ANO3: variants seen among roughly 807,000 people sequenced by gnomAD.
ANO3 encodes the protein anoctamin-3.
A neutral mutation model predicts 144.8 loss-of-function variants in ANO3; 99 were observed. The ratio of observed to expected loss-of-function variants is 0.68; its 90% CI spans 0.58 to 0.81. The LOEUF is 0.81. ANO3 is among the 30% of genes least tolerant of loss of function. The probability of loss-of-function intolerance (pLI) is 0.00; values close to 1 mark genes in which losing one functional copy is unlikely to be tolerated. For missense variants in ANO3, 905 were observed against 1,202.2 expected (o/e 0.75, Z 3.66); for synonymous variants, 414 against 392.6 (o/e 1.05, Z -0.64).
intron 6 of ANO3, among the ~76,000 whole-genome samples, chr11:26,517,922 G>A (rs2134154712): frequency 6.6e-6 from 1 of 152,116 alleles, no homozygotes; most frequent in African/African-American, 2.4e-5. Context: ...GAAATTAAGT[G>A]TTGGAAACTA....
At chr11:26,430,154 G>A (rs893340076) in intron 1 of ANO3, among the ~76,000 whole-genome samples, 1 of 151,542 alleles carries the variant, frequency 6.6e-6, no homozygotes, top group Non-Finnish European at 1.5e-5. Context: ...CCAGCTACTC[G>A]AGAGGGTGAG....
chr11:26,518,473 G>A (rs540347470), intron 6 of ANO3, among the ~76,000 whole-genome samples: 1 of 151,902 alleles, frequency 6.6e-6, no homozygotes, highest in Non-Finnish European at 1.5e-5. Flanking sequence ...AATCACCTTT[G>A]TTTTTTCATA....
intron 4 of ANO3, among the ~76,000 whole-genome samples, chr11:26,481,880 T>C (rs1314305236): frequency 6.6e-6 from 1 of 152,100 alleles, no homozygotes; most frequent in Non-Finnish European, 1.5e-5. Flanking sequence ...AGGGTGTTTC[T>C]TTTTTCCTTT....
rs777879961 is a variant in ANO3, at chr11:26,352,199, T to C, written c.46+19878T>C. Among the ~76,000 whole-genome samples the C allele has an allele frequency of 4.7e-4, 71 of 152,092 alleles. 1 individual carries two copies. The highest frequency in any genetic ancestry group is 1.5e-4 in the Non-Finnish European group (10 of 68,008). On this transcript the variant is annotated intron_variant, in intron 1 of 26. Coordinates refer to ENST00000256737, the MANE Select transcript of ANO3 (RefSeq NM_031418.4). ...AACCAAGTACTGACTAAAAAACAAG[T>C]CTTTACTACCCAAGAACTCATTTCT... is the stretch of plus-strand genomic sequence containing the variant.
intron 1 of ANO3, among the ~76,000 whole-genome samples, chr11:26,260,747 T>C (rs1378957083): frequency 6.6e-6 from 1 of 152,274 alleles, no homozygotes; most frequent in South Asian, 2.1e-4. Flanking sequence ...ACTAAATCCA[T>C]ACAGCATTTT....
At position 26,661,607 on chromosome 11, in the gene ANO3, C is replaced by T. The variant is rs1290001787; in HGVS notation, c.*1163C>T. 1 of 152,164 alleles carries T rather than the reference C, an allele frequency of 6.6e-6. No homozygotes were observed. The highest frequency in any genetic ancestry group is 1.9e-4 in the East Asian group (1 of 5,186). 9.4% of individuals were successfully genotyped at this position (152,164 alleles called of 1,614,324 possible). A position where few individuals can be genotyped will look rare whatever the true frequency, so the allele number is the denominator to read the frequency against. ...TGTGTTTTAGTTTCTTTTTTCATGACTGAAGGGAGTTTTATGTTATTATTT... is the reference window on the plus strand; with the variant it reads ...TGTGTTTTAGTTTCTTTTTTCATGATTGAAGGGAGTTTTATGTTATTATTT... On this transcript the variant is annotated 3_prime_UTR_variant, in exon 27 of 27. Transcript: ENST00000256737.
chr11:26,243,771 G>T (rs531707695), intron 1 of ANO3, among the ~76,000 whole-genome samples: 3 of 152,008 alleles, frequency 2.0e-5, no homozygotes, highest in African/African-American at 7.2e-5. Flanking sequence ...CAAATATCTG[G>T]CCACATTCCA....
chr11:26,319,832 A>T (rs981213940), intron 1 of ANO3, among the ~76,000 whole-genome samples: 10 of 151,894 alleles, frequency 6.6e-5, no homozygotes, highest in Non-Finnish European at 8.8e-5. Context: ...TTATTTTTTT[A>T]AAAATATTTC....
chr11:26,314,063 A>G (rs1197748159), intron 1 of ANO3, among the ~76,000 whole-genome samples: 1 of 152,042 alleles, frequency 6.6e-6, no homozygotes, highest in Non-Finnish European at 1.5e-5. Context: ...TGGGCCCACA[A>G]TGGAGAGAGA....
chr11:26,253,563 A>T (rs1276215007), intron 1 of ANO3, among the ~76,000 whole-genome samples: 1 of 135,852 alleles, frequency 7.4e-6, no homozygotes, highest in African/African-American at 2.6e-5. Flanking sequence ...AAATAAACTT[A>T]AAAAAAAAAA....
intron 17 of ANO3, among the ~76,000 whole-genome samples, chr11:26,618,134 T>C (rs1273192779): frequency 6.6e-6 from 1 of 152,206 alleles, no homozygotes; most frequent in Non-Finnish European, 1.5e-5. Context: ...ATTAATATTC[T>C]ATTGATCAAA....
At chr11:26,534,943 A>C (rs1337053404) in intron 9 of ANO3, among the ~76,000 whole-genome samples, 1 of 152,024 alleles carries the variant, frequency 6.6e-6, no homozygotes, top group Non-Finnish European at 1.5e-5. Context: ...ACTGAAAAAT[A>C]AGTTAGGCTG....
At chr11:26,415,431 G>C (rs1356815153) in intron 1 of ANO3, among the ~76,000 whole-genome samples, 1 of 151,952 alleles carries the variant, frequency 6.6e-6, no homozygotes, top group Non-Finnish European at 1.5e-5. Context: ...AATTTATACA[G>C]TCAGTAAAAA....
intron 1 of ANO3, among the ~76,000 whole-genome samples, chr11:26,324,988 C>A (rs1854848827): frequency 6.6e-6 from 1 of 152,116 alleles, no homozygotes; most frequent in African/African-American, 2.4e-5. Flanking sequence ...GATTCAATTT[C>A]CTGGTAACAA....
At chr11:26,632,626 C>A (rs1172440465) in intron 18 of ANO3, among the ~76,000 whole-genome samples, 1 of 150,014 alleles carries the variant, frequency 6.7e-6, no homozygotes, top group African/African-American at 2.4e-5. Flanking sequence ...TGTACAAACA[C>A]ACACACACAC....
intron 1 of ANO3, among the ~76,000 whole-genome samples, chr11:26,389,603 C>A (rs1040258815): frequency 6.6e-5 from 10 of 151,992 alleles, no homozygotes; most frequent in Admixed American, 5.9e-4. Context: ...ACTTTATGAA[C>A]TATATAACAT....
At chr11:26,264,558 A>G (rs1269792947) in intron 1 of ANO3, among the ~76,000 whole-genome samples, 1 of 152,182 alleles carries the variant, frequency 6.6e-6, no homozygotes, top group South Asian at 2.1e-4. Flanking sequence ...GGGATACCTC[A>G]TATTTCTTAT....
intron 17 of ANO3, among the ~76,000 whole-genome samples, chr11:26,611,104 T>G (rs1852086823): frequency 6.6e-6 from 1 of 152,178 alleles, no homozygotes; most frequent in African/African-American, 2.4e-5. Flanking sequence ...TTGATTTTTT[T>G]GAAAACTTCA....
intron 1 of ANO3, among the ~76,000 whole-genome samples, chr11:26,380,233 A>G (rs904491073): frequency 2.0e-5 from 3 of 152,342 alleles, no homozygotes; most frequent in South Asian, 2.1e-4. Flanking sequence ...TATGTGCTAC[A>G]TAAGTGCTAG....
Sources: allele counts gnomAD v4.1 joint callset (sites outside exome capture counted in the v4.1 genomes callset), GRCh38; gene constraint gnomAD v4.1.1; transcripts MANE v1.5; gene names NCBI Gene and HGNC (gene_info 2026-07-23, HGNC 2026-07-21).